The following DAB1 variants were observed in gnomAD, a reference collection of about 807,000 sequenced individuals.
DAB1 encodes disabled homolog 1.
A neutral mutation model predicts 64.6 loss-of-function variants in DAB1; 15 were observed. The ratio of observed to expected loss-of-function variants is 0.23; its 90% CI spans 0.16 to 0.36. DAB1 has a LOEUF of 0.36. DAB1 is among the 10% of genes least tolerant of loss of function. DAB1 has a pLI of 1.00. For missense variants in DAB1, 596 were observed against 706.7 expected (o/e 0.84, Z 1.78); for synonymous variants, 235 against 251.9 (o/e 0.93, Z 0.64).
intron 5 of DAB1, among the ~76,000 whole-genome samples, chr1:57,937,295 C>T (rs927535027): frequency 6.6e-6 from 1 of 152,062 alleles, no homozygotes; most frequent in African/African-American, 2.4e-5. Flanking sequence ...GTGGTGGGAG[C>T]AGCCTGAAAT....
intron 7 of DAB1, among the ~76,000 whole-genome samples, chr1:57,577,132 G>A (rs1645259986): frequency 6.6e-6 from 1 of 152,152 alleles, no homozygotes; most frequent in Admixed American, 6.5e-5. Context: ...CAGGCCATCA[G>A]GGCTTCTGAT....
At chr1:58,119,342 T>C (rs1652596323) in intron 5 of DAB1, among the ~76,000 whole-genome samples, 1 of 152,068 alleles carries the variant, frequency 6.6e-6, no homozygotes, top group African/African-American at 2.4e-5. Context: ...GAATGCTACT[T>C]ATAGTGTTAT....
chr1:57,408,784 G>C (rs1050569932), intron 1 of DAB1, among the ~76,000 whole-genome samples: 2 of 152,084 alleles, frequency 1.3e-5, no homozygotes, highest in Non-Finnish European at 2.9e-5. Context: ...TTATTTTCCC[G>C]CTCTATGAAC....
chr1:58,142,123 G>A (rs953008928), intron 5 of DAB1, among the ~76,000 whole-genome samples: 5 of 152,026 alleles, frequency 3.3e-5, no homozygotes, highest in African/African-American at 4.8e-5. Context: ...CCCTGAATAA[G>A]AGGCATGGAC....
chr1:57,399,141 C>G (rs1683044464), intron 1 of DAB1, among the ~76,000 whole-genome samples: 1 of 152,112 alleles, frequency 6.6e-6, no homozygotes, highest in Admixed American at 6.6e-5. Context: ...TCACCATTAA[C>G]ATGATGCCAG....
intron 3 of DAB1, among the ~76,000 whole-genome samples, chr1:58,458,174 T>C (rs1206344908): frequency 6.6e-6 from 1 of 152,142 alleles, no homozygotes. Flanking sequence ...AAAAATTCAG[T>C]TTCTCATTTA....
intron 7 of DAB1, among the ~76,000 whole-genome samples, chr1:57,634,619 A>G (rs932094444): frequency 5.3e-5 from 8 of 152,214 alleles, no homozygotes; most frequent in African/African-American, 1.9e-4. Flanking sequence ...AGCTGAAATA[A>G]GATAATAAAA....
intron 1 of DAB1, among the ~76,000 whole-genome samples, chr1:57,376,658 C>G (rs557388718): frequency 6.6e-6 from 1 of 152,164 alleles, no homozygotes; most frequent in Admixed American, 6.5e-5. Flanking sequence ...TTTGTATGTC[C>G]AGAACTTAGA....
At chr1:58,461,583 C>G (rs898894214) in intron 3 of DAB1, among the ~76,000 whole-genome samples, 5 of 152,158 alleles carry the variant, frequency 3.3e-5, no homozygotes, top group African/African-American at 1.2e-4. Flanking sequence ...GACAAAACCA[C>G]AGTCAACCCC....
intron 1 of DAB1, among the ~76,000 whole-genome samples, chr1:57,871,592 C>G (rs1278578420): frequency 6.6e-6 from 1 of 152,168 alleles, no homozygotes; most frequent in East Asian, 1.9e-4. Context: ...GGGATCCTAA[C>G]AGGTTTTATG....
Position 57,695,392 on chromosome 1 carries a change from GAAAGAAAGAAAGAAAGAAAGA to G in DAB1, n.552-45748_552-45728del, listed in dbSNP as rs1646828244. Among the ~76,000 whole-genome samples the G allele has an allele frequency of 6.9e-4, 55 of 79,876 alleles. 2 individuals carry two copies. The highest frequency in any genetic ancestry group is 7.5e-3 in the Middle Eastern group (1 of 134). 52.4% of individuals were successfully genotyped at this position (79,876 alleles called of 152,430 possible). On this transcript the variant is annotated intron_variant and non_coding_transcript_variant, in intron 6 of 20. Transcript: ENST00000485760. Reference sequence around the variant, plus strand: ...AGAAAGAAAGAAAGAAAGAAAGAAAGAAAGAAAGAAAGAAAGAAAGAAAGAAAGAAAGAAAGAAAGAAAAAA... The same window carrying G: ...AGAAAGAAAGAAAGAAAGAAAGAAAGAAGAAAGAAAGAAAGAAAGAAAAAA...
At chr1:57,321,879 A>G (rs1388552839) in intron 1 of DAB1, among the ~76,000 whole-genome samples, 2 of 151,958 alleles carry the variant, frequency 1.3e-5, no homozygotes, top group East Asian at 3.9e-4. Flanking sequence ...GACTCTTTCC[A>G]CAATACCTAC....
chr1:57,567,754 C>T (rs1172425624), intron 7 of DAB1, among the ~76,000 whole-genome samples: 2 of 152,140 alleles, frequency 1.3e-5, no homozygotes, highest in African/African-American at 4.8e-5. Context: ...GAACTACAAA[C>T]CACTGCTCAA....
rs754642073 is a variant in DAB1 at position 57,014,917 on chromosome 1, G to T, written c.1410C>A (p.Thr470=). 15 of 1,598,530 alleles carry T rather than the reference G, an allele frequency of 9.4e-6. No individual in the cohort carries two copies. Among genetic ancestry groups the T allele is most frequent in the Non-Finnish European group, 1.2e-5 (14 of 1,171,700 alleles). Residue 470 remains threonine, a synonymous_variant, in exon 12 of 15, where the codon ACC becomes ACA. Transcript: ENST00000371236. ...TCGATGGTGTGGTAGAAGTCACAGGGGTCAAATTCAACTGGGAGATGTCAA... is the reference window on the plus strand; with the variant it reads ...TCGATGGTGTGGTAGAAGTCACAGGTGTCAAATTCAACTGGGAGATGTCAA... ...DDFDISQLNL[T]PVTSTTPSTN... is the part of the protein sequence containing the mutation.
chr1:57,562,263 C>T (rs1448630007), intron 7 of DAB1, among the ~76,000 whole-genome samples: 1 of 152,158 alleles, frequency 6.6e-6, no homozygotes. Context: ...ATCCCAGCTA[C>T]TTGGGAGGCT....
At chr1:57,027,887 TCAA>T (rs1442465344) in intron 9 of DAB1, among the ~76,000 whole-genome samples, 3 of 152,198 alleles carry the variant, frequency 2.0e-5, no homozygotes, top group African/African-American at 4.8e-5. Flanking sequence ...TCATAAATGT[TCAA>T]CAACTGCTAG....
intron 3 of DAB1, among the ~76,000 whole-genome samples, chr1:58,477,331 A>C (rs1053204830): frequency 4.6e-5 from 7 of 152,222 alleles, no homozygotes; most frequent in South Asian, 2.1e-4. Context: ...TTATCAGATT[A>C]AATGTCATTT....
At chr1:58,424,339 A>T (rs569080479) in intron 3 of DAB1, among the ~76,000 whole-genome samples, 2 of 152,300 alleles carry the variant, frequency 1.3e-5, no homozygotes, top group Non-Finnish European at 2.9e-5. Flanking sequence ...TCAAATGTTA[A>T]TCTCTTCCAA....
chr1:58,151,815 T>C (rs1479757632), intron 4 of DAB1, among the ~76,000 whole-genome samples: 2 of 152,142 alleles, frequency 1.3e-5, no homozygotes, highest in Non-Finnish European at 2.9e-5. Flanking sequence ...GACAAGTAAA[T>C]ACACATTTTG....
Sources: gnomAD v4.1 joint callset for allele counts (sites outside exome capture counted in the v4.1 genomes callset) on GRCh38, gnomAD v4.1.1 for gene constraint, MANE v1.5 for transcripts, NCBI Gene and HGNC (gene_info 2026-07-23, HGNC 2026-07-21) for gene names.